Variants in FHIT observed in about 807,000 individuals in gnomAD.
FHIT encodes the protein bis(5'-adenosyl)-triphosphatase.
A neutral mutation model predicts 17.9 loss-of-function variants in FHIT; 19 were observed. That is an observed-to-expected ratio of 1.06 (90% CI 0.74 to 1.56). The LOEUF is 1.56. Ranked by LOEUF, FHIT falls within the 40% of genes most tolerant of loss-of-function variation. The pLI, the probability that FHIT is intolerant of heterozygous loss-of-function variation, is 0.00. For synonymous variants in FHIT, 81 were observed against 69.7 expected (o/e 1.16, Z -0.81); for missense variants, 248 against 189.2 (o/e 1.31, Z -1.82).
At chr3:60,821,659 G>C (rs1457742799) in intron 4 of FHIT, among the ~76,000 whole-genome samples, 1 of 152,036 alleles carries the variant, frequency 6.6e-6, no homozygotes, top group Non-Finnish European at 1.5e-5. Context: ...GAAAAGAAGG[G>C]GAATGCTTTC....
chr3:60,281,260 C>T (rs181670953), intron 5 of FHIT, among the ~76,000 whole-genome samples: 2 of 152,274 alleles, frequency 1.3e-5, no homozygotes, highest in Admixed American at 1.3e-4. Flanking sequence ...GTTATCGGTT[C>T]TTCCCAACTT....
intron 5 of FHIT, among the ~76,000 whole-genome samples, chr3:60,443,046 G>C (rs2031031392): frequency 1.3e-5 from 2 of 152,128 alleles, no homozygotes; most frequent in Non-Finnish European, 2.9e-5. Flanking sequence ...TTGTGAATGG[G>C]AGTTCACTCA....
At chr3:60,241,111 T>A (rs1208292160) in intron 5 of FHIT, among the ~76,000 whole-genome samples, 3 of 152,124 alleles carry the variant, frequency 2.0e-5, no homozygotes, top group African/African-American at 7.2e-5. Flanking sequence ...GGGGGTGGAA[T>A]GGGGAATCAC....
rs1559859289 is a variant in FHIT at position 60,952,178 on chromosome 3, C to CA, written c.-111+89868_-111+89869insT. ...AAACTCCGTCCTCCCCACCCCCCCC[C>CA]CAAAAAAAAAAAAGAGATTCCACTT... On this transcript the variant is annotated intron_variant, in intron 3 of 9. Coordinates refer to ENST00000492590, the MANE Select transcript of FHIT (RefSeq NM_002012.4). Among the ~76,000 whole-genome samples, 64 of 132,748 alleles carry CA rather than the reference C, an allele frequency of 4.8e-4. 1 individual carries two copies. Among genetic ancestry groups the CA allele is most frequent in the Middle Eastern group, 3.9e-3 (1 of 254 alleles). 87.1% of individuals were successfully genotyped at this position (132,748 alleles called of 152,430 possible).
rs77222262 is a variant in FHIT at position 60,574,364 on chromosome 3, C to CT, written c.-17-37386dup. 9.5e-3 allele frequency among the ~76,000 whole-genome samples: 1,379 copies of CT among 144,854 alleles called. 16 individuals are homozygous for CT. Among genetic ancestry groups the CT allele is most frequent in the African/African-American group, 0.027 (1,077 of 39,476 alleles). On this transcript the variant is annotated intron_variant, in intron 4 of 9. Transcript: ENST00000492590. ...ATCCTTGTATCTCCTTCTCCAACTC[C>CT]TTTTTTTTTTTTTTAACCTTAGCTC...
chr3:59,751,987 TGG>T, intron 9 of FHIT: 1 of 430,682 alleles, frequency 2.3e-6, no homozygotes, highest in Non-Finnish European at 4.1e-6. Flanking sequence ...GGTGGTGGGC[TGG>T]GGGCACTGGC....
chr3:60,712,533 T>A (rs2041565233), intron 4 of FHIT, among the ~76,000 whole-genome samples: 1 of 151,422 alleles, frequency 6.6e-6, no homozygotes, highest in African/African-American at 2.4e-5. Flanking sequence ...AGGAAACCCA[T>A]CTCACATACA....
chr3:60,273,514 G>A (rs1706970849), intron 5 of FHIT, among the ~76,000 whole-genome samples: 1 of 152,064 alleles, frequency 6.6e-6, no homozygotes, highest in Non-Finnish European at 1.5e-5. Context: ...GGAGGCTGAG[G>A]GGGAGAATTG....
chr3:59,791,105 G>A (rs570002816), intron 8 of FHIT, among the ~76,000 whole-genome samples: 84 of 152,114 alleles, frequency 5.5e-4, no homozygotes, highest in African/African-American at 1.6e-3. Context: ...TTCTCTTCAC[G>A]GAACTACTCT....
intron 1 of FHIT, among the ~76,000 whole-genome samples, chr3:61,212,267 G>A (rs537530068): frequency 7.4e-4 from 113 of 152,234 alleles, no homozygotes; most frequent in African/African-American, 2.5e-3. Flanking sequence ...AAATTTAGAC[G>A]ATTGTATAAC....
intron 1 of FHIT, among the ~76,000 whole-genome samples, chr3:61,201,585 C>A (rs149751816): frequency 2.7e-3 from 415 of 152,040 alleles, no homozygotes; most frequent in Non-Finnish European, 4.7e-3. Context: ...TTTTACTGGG[C>A]TGTTTCCCTC....
At chr3:60,057,774 C>A (rs969864400) in intron 5 of FHIT, among the ~76,000 whole-genome samples, 5 of 151,868 alleles carry the variant, frequency 3.3e-5, no homozygotes, top group African/African-American at 1.2e-4. Flanking sequence ...CCCTCATTCT[C>A]AGGATTGCTT....
chr3:60,029,448 G>A (rs1035852154), intron 5 of FHIT, among the ~76,000 whole-genome samples: 4 of 152,160 alleles, frequency 2.6e-5, no homozygotes, highest in Non-Finnish European at 4.4e-5. Context: ...TTAGGAGAGA[G>A]CAGATGAAGG....
At chr3:60,898,771 C>T (rs1705955330) in intron 3 of FHIT, among the ~76,000 whole-genome samples, 2 of 152,162 alleles carry the variant, frequency 1.3e-5, no homozygotes, top group Admixed American at 1.3e-4. Context: ...TCACATTCTT[C>T]AGGAGCCCGA....
intron 5 of FHIT, among the ~76,000 whole-genome samples, chr3:60,326,683 A>AT (rs1420085018): frequency 6.6e-6 from 1 of 152,124 alleles, no homozygotes; most frequent in South Asian, 2.1e-4. Context: ...TGTGTACGAT[A>AT]TTTAAAAAAT....
chr3:60,282,801 A>G (rs1188653142), intron 5 of FHIT, among the ~76,000 whole-genome samples: 1 of 152,178 alleles, frequency 6.6e-6, no homozygotes, highest in African/African-American at 2.4e-5. Flanking sequence ...TAAAAAGTAC[A>G]TCTTAGAAAA....
chr3:60,132,806 T>C (rs902988545), intron 5 of FHIT, among the ~76,000 whole-genome samples: 11 of 152,130 alleles, frequency 7.2e-5, no homozygotes, highest in African/African-American at 2.4e-4. Context: ...CAGAGAATAA[T>C]CCACCATAAT....
rs555103609 is a variant in FHIT at position 60,901,182 on chromosome 3, T to C, written c.-110-79171A>G. The stretch of plus-strand genomic sequence containing the variant: ...CCTTAGCTTTAGGCTCCAAAATGGC[T>C]TGGCACTGTACTAATCCTTATTTAA... On this transcript the variant is annotated intron_variant, in intron 3 of 9. Coordinates refer to ENST00000492590, the MANE Select transcript of FHIT (RefSeq NM_002012.4). 2.0e-3 allele frequency among the ~76,000 whole-genome samples: 299 copies of C among 152,338 alleles called. 1 individual carries two copies. Among genetic ancestry groups the C allele is most frequent in the Non-Finnish European group, 2.6e-3 (177 of 68,038 alleles).
intron 4 of FHIT, among the ~76,000 whole-genome samples, chr3:60,588,368 A>G (rs1458145397): frequency 6.6e-6 from 1 of 152,102 alleles, no homozygotes; most frequent in African/African-American, 2.4e-5. Context: ...AATGACTGAA[A>G]TCTAAGTACG....
Sources: allele counts gnomAD v4.1 joint callset (sites outside exome capture counted in the v4.1 genomes callset), GRCh38; gene constraint gnomAD v4.1.1; transcripts MANE v1.5; gene names NCBI Gene and HGNC (gene_info 2026-07-23, HGNC 2026-07-21).